Variants in CADPS observed in about 807,000 individuals in gnomAD.
The protein encoded by CADPS is calcium-dependent secretion activator 1.
Under a neutral mutation model 167.3 loss-of-function variants are expected in CADPS, and 57 were observed. The observed-to-expected ratio is 0.34, with a 90% CI of 0.28 to 0.42. The LOEUF is 0.42. Among genes scored for constraint, CADPS ranks in the 20% least tolerant of loss-of-function variants. The pLI, the probability that CADPS is intolerant of heterozygous loss-of-function variation, is 1.00. For synonymous variants in CADPS, 676 were observed against 635.3 expected, an observed-to-expected ratio of 1.06 and a Z score of -0.96; for missense variants, 1,414 against 1,738.1, an observed-to-expected ratio of 0.81 and a Z score of 3.32.
At chr3:62,744,416 T>C (rs1329873564) in intron 3 of CADPS, among the ~76,000 whole-genome samples, 1 of 152,062 alleles carries the variant, frequency 6.6e-6, no homozygotes, top group Non-Finnish European at 1.5e-5. Flanking sequence ...CAATACACTA[T>C]ACTCCACTAC....
intron 21 of CADPS, among the ~76,000 whole-genome samples, chr3:62,489,154 T>C (rs1389448903): frequency 6.6e-6 from 1 of 150,934 alleles, no homozygotes; most frequent in East Asian, 1.9e-4. Context: ...CAGTCATGTG[T>C]TAAACTTTTA....
At chr3:62,666,825 G>C (rs2074506324) in intron 3 of CADPS, among the ~76,000 whole-genome samples, 1 of 152,174 alleles carries the variant, frequency 6.6e-6, no homozygotes, top group Admixed American at 6.5e-5. Flanking sequence ...ACTCTGTCCT[G>C]TTACTGTAGG....
chr3:62,599,612 T>A (rs1401056317), intron 6 of CADPS, among the ~76,000 whole-genome samples: 5 of 59,602 alleles, frequency 8.4e-5, no homozygotes, highest in Non-Finnish European at 8.7e-5. Flanking sequence ...TTTATTATAT[T>A]ATATATAATA....
Position 62,798,547 on chromosome 3 carries a change from G to T in CADPS, c.442-32563C>A, listed in dbSNP as rs115810959. Among the ~76,000 whole-genome samples the T allele has an allele frequency of 6.7e-3, 1,017 of 152,188 alleles. 7 individuals carry two copies. Among genetic ancestry groups the T allele is most frequent in the Middle Eastern group, 0.01 (3 of 294 alleles). ...TTGTAGGACTTCACCTTGTGATTGT[G>T]TGAGTCAATAATCCTTAATAAACTC... On this transcript the variant is annotated intron_variant, in intron 1 of 29. Transcript: ENST00000383710.
At chr3:62,527,435 T>C (rs556013845) in intron 13 of CADPS, among the ~76,000 whole-genome samples, 5 of 148,618 alleles carry the variant, frequency 3.4e-5, no homozygotes, top group African/African-American at 9.8e-5. Flanking sequence ...TATTACCAAA[T>C]GTTCTGTGTG....
intron 3 of CADPS, among the ~76,000 whole-genome samples, chr3:62,751,273 C>A (rs1037637339): frequency 2.0e-5 from 3 of 152,018 alleles, no homozygotes; most frequent in African/African-American, 7.3e-5. Flanking sequence ...AATCAAAAAA[C>A]CATATATTTA....
intron 1 of CADPS, among the ~76,000 whole-genome samples, chr3:62,834,407 C>G (rs1458628106): frequency 6.6e-6 from 1 of 152,112 alleles, no homozygotes; most frequent in Non-Finnish European, 1.5e-5. Flanking sequence ...ACCCTTGGTC[C>G]TCTGAGTTCC....
rs938601497 is a variant in CADPS at position 62,753,160 on chromosome 3, G to T, written c.888+281C>A. Among the ~76,000 whole-genome samples, 5 of 152,088 alleles carry T rather than the reference G, an allele frequency of 3.3e-5. No individual in the cohort carries two copies. The highest frequency in any genetic ancestry group is 1.2e-4 in the African/African-American group (5 of 41,404). On this transcript the variant is annotated intron_variant, in intron 3 of 29. Coordinates refer to ENST00000383710, the MANE Select transcript of CADPS (RefSeq NM_003716.4). The surrounding 1 kb of genome is among the most constrained non-coding windows in gnomAD (Gnocchi z 4.6). ...AGCACTTTTGACACGTGGAAAACAA[G>T]CCTTACTCATAGGGCCAACTTACCC...
At position 62,420,414 on chromosome 3, in the gene CADPS, C is replaced by T. The variant is rs2051043397; in HGVS notation, c.3778-17229G>A. On this transcript the variant is annotated intron_variant, in intron 28 of 29. Coordinates refer to ENST00000383710, the MANE Select transcript of CADPS (RefSeq NM_003716.4). The surrounding 1 kb of genome is among the most constrained non-coding windows in gnomAD (Gnocchi z 4.1). ...TGAGTGGTTTCCAAAAAGCAGTCAA[C>T]ATACAAGGACTGGGTGCAGGGACAA... Among the ~76,000 whole-genome samples, 1 of 152,188 alleles carries T rather than the reference C, an allele frequency of 6.6e-6. No individual in the cohort carries two copies. Among genetic ancestry groups the T allele is most frequent in the Non-Finnish European group, 1.5e-5 (1 of 68,032 alleles).
intron 9 of CADPS, among the ~76,000 whole-genome samples, chr3:62,570,333 C>T (rs982720803): frequency 2.6e-5 from 4 of 151,510 alleles, no homozygotes; most frequent in Non-Finnish European, 4.4e-5. Context: ...CACCAGGCAC[C>T]AAGAAGAGTA....
Position 62,462,224 on chromosome 3 carries a change from C to T in CADPS, c.3636+3143G>A, listed in dbSNP as rs148527542. Among the ~76,000 whole-genome samples the T allele has an allele frequency of 4.6e-5, 7 of 152,332 alleles. No homozygotes were observed. The South Asian group carries it at 1.2e-3, about 27-fold the overall frequency. ...GCTGATCTTTCAAAAGTTCGAAAGG[C>T]GCCTGCCTCCATAAATCCCAGGCTG... On this transcript the variant is annotated intron_variant, in intron 26 of 29. Coordinates refer to ENST00000383710, the MANE Select transcript of CADPS (RefSeq NM_003716.4).
intron 3 of CADPS, among the ~76,000 whole-genome samples, chr3:62,687,491 C>T (rs1430156255): frequency 6.6e-6 from 1 of 151,918 alleles, no homozygotes; most frequent in African/African-American, 2.4e-5. Context: ...AATGAAAGGA[C>T]TTTGTTGTTT....
intron 6 of CADPS, among the ~76,000 whole-genome samples, chr3:62,645,222 G>T (rs909436332): frequency 6.6e-6 from 1 of 152,068 alleles, no homozygotes; most frequent in Non-Finnish European, 1.5e-5. Flanking sequence ...GGGGGTAACG[G>T]ATAACAGACT....
At chr3:62,872,690 A>G (rs576798753) in intron 1 of CADPS, among the ~76,000 whole-genome samples, 85 of 152,214 alleles carry the variant, frequency 5.6e-4, no homozygotes, top group Non-Finnish European at 1.0e-3. Flanking sequence ...AAAGTAACTG[A>G]AGTTTCTGTT....
intron 7 of CADPS, among the ~76,000 whole-genome samples, chr3:62,588,407 T>G (rs997077539): frequency 6.6e-6 from 1 of 151,928 alleles, no homozygotes; most frequent in African/African-American, 2.4e-5. Flanking sequence ...TACCAGTCAT[T>G]ATTCCTATTT....
intron 6 of CADPS, among the ~76,000 whole-genome samples, chr3:62,641,170 A>G (rs993198735): frequency 6.6e-6 from 1 of 152,190 alleles, no homozygotes; most frequent in Non-Finnish European, 1.5e-5. Context: ...CCAGCCATGA[A>G]TGGAAGGTAA....
chr3:62,658,787 A>G (rs543508277), intron 4 of CADPS, among the ~76,000 whole-genome samples: 5 of 152,118 alleles, frequency 3.3e-5, no homozygotes, highest in South Asian at 2.1e-4. Flanking sequence ...CCCTTTTTCC[A>G]TTGTAGATTG....
chr3:62,872,566 G>A (rs955768799), intron 1 of CADPS, among the ~76,000 whole-genome samples: 2 of 152,136 alleles, frequency 1.3e-5, no homozygotes, highest in African/African-American at 4.8e-5. Flanking sequence ...GTCTCTCTGA[G>A]GTTAAGCTCC....
intron 3 of CADPS, among the ~76,000 whole-genome samples, chr3:62,696,660 T>C (rs7634365): frequency 0.53 from 81,082 of 151,998 alleles, 22,801 homozygotes; most frequent in East Asian, 0.95. Flanking sequence ...GTTATCCTTT[T>C]ACCTTTGTAG....
Sources: allele counts gnomAD v4.1 joint callset (sites outside exome capture counted in the v4.1 genomes callset), GRCh38; gene constraint gnomAD v4.1.1; non-coding constraint Gnocchi (gnomAD v3.1); transcripts MANE v1.5; gene names NCBI Gene and HGNC (gene_info 2026-07-23, HGNC 2026-07-21).